DCAF17: variants seen among roughly 807,000 people sequenced by gnomAD.
The protein encoded by DCAF17 is DDB1 and CUL4 associated factor 17.
Under a neutral mutation model 66.0 loss-of-function variants are expected in DCAF17, and 48 were observed. The ratio of observed to expected loss-of-function variants is 0.73; its 90% confidence interval spans 0.58 to 0.92. The LOEUF (loss-of-function observed/expected upper bound fraction) is 0.92, where lower values mean the gene tolerates loss of function less well. Ranked by LOEUF, DCAF17 falls within the 40% of genes least tolerant of loss-of-function variation. The pLI is 0.00. For missense variants in DCAF17, 562 were observed against 622.8 expected, an observed-to-expected ratio of 0.90 and a Z score of 1.04; for synonymous variants, 206 against 214.6, an observed-to-expected ratio of 0.96 and a Z score of 0.35.
intron 2 of DCAF17, among the ~76,000 whole-genome samples, chr2:171,440,177 C>T (rs1694225407): frequency 6.6e-6 from 1 of 152,192 alleles, no homozygotes; most frequent in South Asian, 2.1e-4. Context: ...AAATCTCTGC[C>T]ATATCTGAAT....
intron 6 of DCAF17, 83 bp downstream of exon 6, chr2:171,453,296 T>G (rs1302647646): frequency 9.7e-7 from 1 of 1,029,642 alleles, no homozygotes; most frequent in Non-Finnish European, 1.4e-6. Context: ...ATGAGATATT[T>G]GATTGGAAAT....
At chr2:171,466,646 G>A (rs563502790) in intron 8 of DCAF17, among the ~76,000 whole-genome samples, 65 of 151,882 alleles carry the variant, frequency 4.3e-4, no homozygotes, top group African/African-American at 1.6e-3. Context: ...AGAGTTGTGG[G>A]CAGAGTAATA....
intron 9 of DCAF17, among the ~76,000 whole-genome samples, chr2:171,471,072 T>C (rs1273700895): frequency 6.6e-6 from 1 of 152,228 alleles, no homozygotes; most frequent in African/African-American, 2.4e-5. Context: ...GCCTTCAACA[T>C]GTATATCAAG....
At chr2:171,480,002 G>A in intron 12 of DCAF17, 36 bp from the exon 13 acceptor site, 2 of 1,609,198 alleles carry the variant, frequency 1.2e-6, no homozygotes, top group Admixed American at 3.3e-5. Flanking sequence ...ACTGGATTTT[G>A]CCCCTTTCCC....
At chr2:171,470,097 C>T (rs528033439) in intron 9 of DCAF17, among the ~76,000 whole-genome samples, 5 of 152,310 alleles carry the variant, frequency 3.3e-5, no homozygotes, top group African/African-American at 1.2e-4. Context: ...AATCAGAGCT[C>T]ACTGCAGCCT....
intron 6 of DCAF17, among the ~76,000 whole-genome samples, chr2:171,454,727 T>G (rs909908466): frequency 6.6e-6 from 1 of 151,670 alleles, no homozygotes; most frequent in Non-Finnish European, 1.5e-5. Context: ...TGAAGCCCCG[T>G]CTCTACTAAA....
At chr2:171,451,570 TTTTTGTTTTG>T (rs908191104) in intron 5 of DCAF17, among the ~76,000 whole-genome samples, 5 of 152,138 alleles carry the variant, frequency 3.3e-5, no homozygotes, top group Admixed American at 2.0e-4. Flanking sequence ...AGAGCAAGAA[TTTTTGTTTTG>T]TTTTGTTTTG....
intron 10 of DCAF17, among the ~76,000 whole-genome samples, 195 bp from the exon 11 acceptor site, chr2:171,476,665 G>A (rs1382128551): frequency 1.3e-5 from 2 of 152,138 alleles, no homozygotes; most frequent in African/African-American, 4.8e-5. Context: ...ACGTTTTTCT[G>A]TTTAACAGAA....
At chr2:171,479,801 A>G in intron 12 of DCAF17, 1 of 461,088 alleles carries the variant, frequency 2.2e-6, no homozygotes, top group Non-Finnish European at 4.0e-6. Flanking sequence ...AGATCTACAT[A>G]GACTTGGTTT....
intron 2 of DCAF17, among the ~76,000 whole-genome samples, chr2:171,438,750 C>G (rs1265861521): frequency 6.6e-6 from 1 of 151,660 alleles, no homozygotes; most frequent in Admixed American, 6.6e-5. Context: ...TTTTTTTCCC[C>G]CCCAAAGTCA....
chr2:171,458,701 C>T lies in DCAF17; in HGVS notation c.838+224C>T, dbSNP rs4458186. 0.2 allele frequency among the ~76,000 whole-genome samples: 30,626 copies of T among 152,154 alleles called. 3,230 individuals carry two copies. Among genetic ancestry groups the T allele is most frequent in the South Asian group, 0.28 (1,358 of 4,820 alleles). ...CCTGGGGATGCTGAGCCTTGCTTGGCCACAGACCTTTAGCAATTCACTTTA... is the reference window on the plus strand; with the variant it reads ...CCTGGGGATGCTGAGCCTTGCTTGGTCACAGACCTTTAGCAATTCACTTTA... On this transcript the variant is annotated intron_variant, in intron 8 of 13. Transcript: ENST00000375255.
Position 171,456,739 on chromosome 2 carries a change from A to G in DCAF17, c.628-1232A>G, listed in dbSNP as rs117102922. On this transcript the variant is annotated intron_variant, in intron 6 of 13. Transcript: ENST00000375255. ...TCCTAGGTATTTTATTCTTTTTAGG[A>G]CAACTGTGAATGAGAGTTTGTTCAT... is the stretch of plus-strand genomic sequence containing the variant. Among the ~76,000 whole-genome samples the G allele has an allele frequency of 1.5e-3, 226 of 152,044 alleles. 4 individuals are homozygous for G. In the East Asian group the frequency reaches 0.016, roughly 11 times the overall value.
rs148918960 is a variant in DCAF17, at chr2:171,446,256, C to G, written c.322-2425C>G. On this transcript the variant is annotated intron_variant, in intron 3 of 13. Coordinates refer to ENST00000375255, the MANE Select transcript of DCAF17 (RefSeq NM_025000.4). The stretch of plus-strand genomic sequence containing the variant: ...ATTCCAACCCTCTTATAAGAAATAT[C>G]TAGGAGAGTGGCCAGGTGCGGTGGC... Among the ~76,000 whole-genome samples, 972 of 151,882 alleles carry G rather than the reference C, an allele frequency of 6.4e-3. 16 individuals are homozygous for G. The highest frequency in any genetic ancestry group is 0.022 in the African/African-American group (917 of 41,454).
chr2:171,464,998 C>T (rs748324448), intron 8 of DCAF17, among the ~76,000 whole-genome samples: 8 of 152,100 alleles, frequency 5.3e-5, no homozygotes, highest in Non-Finnish European at 1.2e-4. Flanking sequence ...GAGTTCAAGA[C>T]TAGCCTGGCC....
At chr2:171,458,323 C>A in intron 7 of DCAF17, 49 bp from the exon 8 acceptor site, 1 of 1,477,048 alleles carries the variant, frequency 6.8e-7, no homozygotes, top group Non-Finnish European at 9.5e-7. Context: ...CTCCAGATAT[C>A]AAATAAATAG....
chr2:171,448,601 C>G lies in DCAF17; in HGVS notation c.322-80C>G, dbSNP rs1217358063. ...ATTTATTTGGCATTTGAATATTTAG[C>G]TATTTTCTTTGGACATTGATTACTG... On this transcript the variant is annotated intron_variant, in intron 3 of 13. Coordinates refer to ENST00000375255, the MANE Select transcript of DCAF17 (RefSeq NM_025000.4). 3 of 1,268,266 alleles carry G rather than the reference C, an allele frequency of 2.4e-6. No homozygotes were observed. In the African/African-American group the frequency reaches 4.6e-5, roughly 19 times the overall value. 78.6% of individuals were successfully genotyped at this position (1,268,266 alleles called of 1,614,324 possible).
chr2:171,469,151 A>G (rs898904943), intron 9 of DCAF17, 121 bp downstream of exon 9: 10 of 1,097,274 alleles, frequency 9.1e-6, no homozygotes, highest in African/African-American at 6.3e-5. Flanking sequence ...ACAATTTGCA[A>G]ACAATTTAAA....
At chr2:171,461,893 T>C (rs796310774) in intron 8 of DCAF17, among the ~76,000 whole-genome samples, 23 of 152,332 alleles carry the variant, frequency 1.5e-4, no homozygotes, top group East Asian at 1.2e-3. Flanking sequence ...TGGAGTTTTA[T>C]ATTAATGAAA....
intron 8 of DCAF17, 124 bp from the exon 9 acceptor site, chr2:171,468,764 T>C: frequency 7.8e-7 from 1 of 1,289,608 alleles, no homozygotes; most frequent in Non-Finnish European, 1.1e-6. Context: ...TCCTTGAACA[T>C]AGTAATTTTT....
Sources: gnomAD v4.1 joint callset for allele counts (sites outside exome capture counted in the v4.1 genomes callset) on GRCh38, gnomAD v4.1.1 for gene constraint, MANE v1.5 for transcripts, NCBI Gene and HGNC (gene_info 2026-07-23, HGNC 2026-07-21) for gene names.